SLC25A21: variants seen among roughly 807,000 people sequenced by gnomAD.
The protein encoded by SLC25A21 is mitochondrial 2-oxodicarboxylate carrier.
Under a neutral mutation model 43.8 loss-of-function variants are expected in SLC25A21, and 47 were observed. The observed-to-expected ratio is 1.07, with a 90% CI of 0.85 to 1.37. SLC25A21 has a LOEUF of 1.37. Ranked by LOEUF, SLC25A21 falls within the 40% of genes most tolerant of loss-of-function variation. SLC25A21 has a pLI of 0.00. For missense variants in SLC25A21, 352 were observed against 350.2 expected (o/e 1.00, Z -0.04); for synonymous variants, 131 against 121.3 (o/e 1.08, Z -0.52).
At chr14:36,697,738 C>CTTTTTTTTTTTTTTTTTTTT (rs757711209) in intron 7 of SLC25A21, among the ~76,000 whole-genome samples, 13 of 111,640 alleles carry the variant, frequency 1.2e-4, no homozygotes, top group Admixed American at 2.8e-4. Context: ...GCAAGCCCTA[C>CTTTTTTTTTTTTTTTTTTTT]TTTTTTTTTT....
At position 36,680,601 on chromosome 14, in the gene SLC25A21, A is replaced by G; in HGVS notation, c.*57T>C. On this transcript the variant is annotated 3_prime_UTR_variant, in exon 10 of 10. Transcript: ENST00000331299. ...GGCCGATCGATAGTCTCTCTTCTTC[A>G]TGGTGCTGCATAGCAAATATCCATT... 6.3e-7 allele frequency: 1 copy of G among 1,576,034 alleles called. No homozygotes were observed. Among genetic ancestry groups the G allele is most frequent in the Non-Finnish European group, 8.6e-7 (1 of 1,161,796 alleles).
chr14:36,782,485 T>C (rs868271504), intron 3 of SLC25A21, among the ~76,000 whole-genome samples: 7 of 152,168 alleles, frequency 4.6e-5, no homozygotes, highest in Non-Finnish European at 1.0e-4. Context: ...CCTTGGATTG[T>C]TGTGTTTCTT....
chr14:36,893,225 T>C (rs565270178), intron 1 of SLC25A21, among the ~76,000 whole-genome samples: 1 of 152,336 alleles, frequency 6.6e-6, no homozygotes, highest in South Asian at 2.1e-4. Flanking sequence ...TTCCTGACTT[T>C]TTAATGATTG....
intron 1 of SLC25A21, among the ~76,000 whole-genome samples, chr14:36,991,350 C>T (rs368323887): frequency 2.2e-4 from 34 of 152,258 alleles, no homozygotes; most frequent in East Asian, 1.5e-3. Flanking sequence ...CATTCTGCCA[C>T]GGTGAAGCAG....
chr14:36,760,844 G>A (rs1886128461), intron 3 of SLC25A21, among the ~76,000 whole-genome samples: 1 of 151,984 alleles, frequency 6.6e-6, no homozygotes, highest in Non-Finnish European at 1.5e-5. Context: ...GAAAGGGAAG[G>A]AAAGAGGTAG....
At chr14:37,143,500 G>C (rs1963604905) in intron 1 of SLC25A21, among the ~76,000 whole-genome samples, 1 of 152,140 alleles carries the variant, frequency 6.6e-6, no homozygotes, top group South Asian at 2.1e-4. Context: ...ATTGTAAACA[G>C]AGTAACATAA....
intron 2 of SLC25A21, among the ~76,000 whole-genome samples, chr14:36,874,588 C>G (rs75473800): frequency 0.049 from 7,503 of 152,256 alleles, 405 homozygotes; most frequent in East Asian, 0.12. Context: ...TACCAAAATG[C>G]TGACTATTAA....
At chr14:36,983,286 A>C (rs377630850) in intron 1 of SLC25A21, among the ~76,000 whole-genome samples, 1 of 152,136 alleles carries the variant, frequency 6.6e-6, no homozygotes, top group African/African-American at 2.4e-5. Context: ...TTATTCTAAA[A>C]TTAGATATGG....
intron 1 of SLC25A21, among the ~76,000 whole-genome samples, chr14:37,080,067 C>A (rs975385996): frequency 1.3e-5 from 2 of 152,172 alleles, no homozygotes; most frequent in African/African-American, 4.8e-5. Context: ...TGATCTTGGA[C>A]TTCCCAGCGT....
intron 6 of SLC25A21, among the ~76,000 whole-genome samples, chr14:36,712,914 T>C (rs564496083): frequency 2.6e-5 from 4 of 152,320 alleles, no homozygotes; most frequent in African/African-American, 9.6e-5. Flanking sequence ...ATAGGACAAG[T>C]TGAGCAGAAA....
At chr14:36,789,780 A>G (rs1313071918) in intron 3 of SLC25A21, among the ~76,000 whole-genome samples, 1 of 119,122 alleles carries the variant, frequency 8.4e-6, no homozygotes, top group Admixed American at 1.0e-4. Flanking sequence ...AATACATTTT[A>G]TATATTTATA....
chr14:37,015,096 T>C (rs1321951507), intron 1 of SLC25A21, among the ~76,000 whole-genome samples: 1 of 152,024 alleles, frequency 6.6e-6, no homozygotes, highest in Non-Finnish European at 1.5e-5. Context: ...AACGTGCAGG[T>C]TAGTTACATA....
At chr14:36,998,728 A>G (rs1031935253) in intron 1 of SLC25A21, among the ~76,000 whole-genome samples, 2 of 152,178 alleles carry the variant, frequency 1.3e-5, no homozygotes, top group African/African-American at 4.8e-5. Context: ...ACCTAATTGA[A>G]AAATGGGCCA....
intron 3 of SLC25A21, among the ~76,000 whole-genome samples, chr14:36,757,437 C>CT (rs1418518958): frequency 6.6e-6 from 1 of 152,130 alleles, no homozygotes; most frequent in East Asian, 1.9e-4. Flanking sequence ...GTGAACCACA[C>CT]TTTGACCACT....
At chr14:36,760,176 A>G (rs1886090534) in intron 3 of SLC25A21, among the ~76,000 whole-genome samples, 1 of 152,184 alleles carries the variant, frequency 6.6e-6, no homozygotes, top group South Asian at 2.1e-4. Context: ...TTTCAGGGGC[A>G]GCAGGAACTG....
intron 1 of SLC25A21, among the ~76,000 whole-genome samples, chr14:36,917,209 T>C (rs1308241669): frequency 6.6e-6 from 1 of 152,122 alleles, no homozygotes; most frequent in Non-Finnish European, 1.5e-5. Flanking sequence ...CACTTACCCA[T>C]AGAAGAAAGA....
intron 1 of SLC25A21, among the ~76,000 whole-genome samples, chr14:37,090,061 T>A (rs577701066): frequency 1.3e-5 from 2 of 152,216 alleles, no homozygotes; most frequent in East Asian, 3.8e-4. Flanking sequence ...TTCTCCCCCA[T>A]TCATCATACC....
At chr14:36,815,977 A>G (rs748364511) in intron 2 of SLC25A21, among the ~76,000 whole-genome samples, 5 of 152,212 alleles carry the variant, frequency 3.3e-5, no homozygotes, top group Non-Finnish European at 5.9e-5. Flanking sequence ...ATATGAACGC[A>G]ACGTCTACTT....
intron 1 of SLC25A21, among the ~76,000 whole-genome samples, chr14:36,990,424 A>C (rs1359304118): frequency 6.6e-6 from 1 of 152,208 alleles, no homozygotes; most frequent in Non-Finnish European, 1.5e-5. Flanking sequence ...GAGACTCTGA[A>C]ATTATTTATA....
Sources: gnomAD v4.1 joint callset for allele counts (sites outside exome capture counted in the v4.1 genomes callset) on GRCh38, gnomAD v4.1.1 for gene constraint, MANE v1.5 for transcripts, NCBI Gene and HGNC (gene_info 2026-07-23, HGNC 2026-07-21) for gene names.